Variants in TRIM71 observed in about 807,000 individuals in gnomAD.
The protein encoded by TRIM71 is E3 ubiquitin-protein ligase TRIM71.
TRIM71 carries 9 observed loss-of-function variants against 61.2 expected under a neutral mutation model. That is an observed-to-expected ratio of 0.15 (90% CI 0.09 to 0.26). TRIM71 has a LOEUF of 0.26. TRIM71 is among the 10% of genes least tolerant of loss of function. The pLI is 1.00. For missense variants in TRIM71, 998 were observed against 1,238.7 expected, an observed-to-expected ratio of 0.81 and a Z score of 2.92; for synonymous variants, 645 against 553.2, an observed-to-expected ratio of 1.17 and a Z score of -2.33.
intron 1 of TRIM71, among the ~76,000 whole-genome samples, chr3:32,825,765 C>A (rs1258358032): frequency 1.3e-5 from 2 of 152,160 alleles, no homozygotes; most frequent in African/African-American, 4.8e-5. Context: ...GAAGCCTACT[C>A]CGTTACCGCT....
At chr3:32,855,645 C>G (rs1176757919) in intron 1 of TRIM71, among the ~76,000 whole-genome samples, 1 of 152,092 alleles carries the variant, frequency 6.6e-6, no homozygotes, top group Non-Finnish European at 1.5e-5. Context: ...GGGACATGTC[C>G]CAGAATGAAG....
At chr3:32,870,968 ATTTTTTTT>A in intron 1 of TRIM71, among the ~76,000 whole-genome samples, 2 of 137,890 alleles carry the variant, frequency 1.5e-5, no homozygotes, top group South Asian at 4.7e-4. Flanking sequence ...ACGCCCAGCA[ATTTTTTTT>A]TTTTTTTTTG....
At chr3:32,874,433 G>T (rs1696833448) in intron 2 of TRIM71, among the ~76,000 whole-genome samples, 1 of 151,868 alleles carries the variant, frequency 6.6e-6, no homozygotes, top group African/African-American at 2.4e-5. Context: ...TGTGATCTCG[G>T]CTAACCACAA....
chr3:32,828,502 CTTTTTTTTTTTTT>C (rs67014189), intron 1 of TRIM71, among the ~76,000 whole-genome samples: 1 of 93,264 alleles, frequency 1.1e-5, no homozygotes, highest in African/African-American at 3.9e-5. Context: ...CAATTGTAAA[CTTTTTTTTTTTTT>C]TTTTTTTTTT....
chr3:32,829,922 A>ATTT (rs11327826), intron 1 of TRIM71, among the ~76,000 whole-genome samples: 20 of 109,514 alleles, frequency 1.8e-4, no homozygotes, highest in African/African-American at 3.4e-4. Context: ...TACTGCCTGA[A>ATTT]TTTTTTTTTT....
At chr3:32,859,232 A>G (rs778403408) in intron 1 of TRIM71, among the ~76,000 whole-genome samples, 1 of 152,172 alleles carries the variant, frequency 6.6e-6, no homozygotes, top group African/African-American at 2.4e-5. Context: ...AAAGAGGAAA[A>G]ACATGATGAG....
At chr3:32,829,246 A>G (rs1476371457) in intron 1 of TRIM71, among the ~76,000 whole-genome samples, 1 of 141,356 alleles carries the variant, frequency 7.1e-6, no homozygotes, top group East Asian at 2.1e-4. Flanking sequence ...GTGGAATGGC[A>G]CGATCTTGGC....
Position 32,821,518 on chromosome 3 carries a change from C to T in TRIM71, c.852+2586C>T, listed in dbSNP as rs1427875227. On this transcript the variant is annotated intron_variant, in intron 1 of 3. Coordinates refer to ENST00000383763, the MANE Select transcript of TRIM71 (RefSeq NM_001039111.3). ...TGGCAAGTAAGGTGTCTCGTCTGAG[C>T]AATTGGCTTTAAACCGTAATGATGA... Among the ~76,000 whole-genome samples the T allele has an allele frequency of 3.3e-5, 5 of 152,164 alleles. No individual in the cohort carries two copies. The East Asian group carries it at 9.6e-4, about 29-fold the overall frequency.
In TRIM71 at chr3:32,892,242, CA is replaced by C. The variant is rs201462435; in HGVS notation, c.*440del. Reference sequence around the variant, plus strand: ...TTCTGTAGATTGAGCCAAGGAAACACAAAAAAAAACTACTAAGTAAAAAAAC... The same window carrying C: ...TTCTGTAGATTGAGCCAAGGAAACACAAAAAAAACTACTAAGTAAAAAAAC... On this transcript the variant is annotated 3_prime_UTR_variant, in exon 4 of 4. Coordinates refer to ENST00000383763, the MANE Select transcript of TRIM71 (RefSeq NM_001039111.3). 1.9e-4 allele frequency: 28 copies of C among 150,472 alleles called. No individual in the cohort carries two copies. The highest frequency in any genetic ancestry group is 3.3e-4 in the Non-Finnish European group (23 of 68,676). 9.3% of individuals were successfully genotyped at this position (150,472 alleles called of 1,614,324 possible).
rs1049340400 is a variant in TRIM71, at chr3:32,896,719, T to A, written c.*4908T>A. 6.6e-6 allele frequency: 1 copy of A among 152,218 alleles called. No individual in the cohort carries two copies. Among genetic ancestry groups the A allele is most frequent in the Non-Finnish European group, 1.5e-5 (1 of 68,038 alleles). 9.4% of individuals were successfully genotyped at this position (152,218 alleles called of 1,614,324 possible). On this transcript the variant is annotated 3_prime_UTR_variant, in exon 4 of 4. Coordinates refer to ENST00000383763, the MANE Select transcript of TRIM71 (RefSeq NM_001039111.3). Reference sequence around the variant, plus strand: ...ATTTAACCAATAATGGTTCTAAAAGTTTTGTGTATCCACATGGTCTTAGAC... The same window carrying A: ...ATTTAACCAATAATGGTTCTAAAAGATTTGTGTATCCACATGGTCTTAGAC...
At chr3:32,837,615 C>G (rs1402167028) in intron 1 of TRIM71, among the ~76,000 whole-genome samples, 1 of 152,068 alleles carries the variant, frequency 6.6e-6, no homozygotes, top group East Asian at 1.9e-4. Flanking sequence ...GTCAGGAGAT[C>G]CAGACCATCC....
rs200179522 is a variant in TRIM71, at chr3:32,891,821, C to T, written c.*10C>T. 6.2e-7 allele frequency: 1 copy of T among 1,612,648 alleles called. No individual in the cohort carries two copies. Among genetic ancestry groups the T allele is most frequent in the Non-Finnish European group, 8.5e-7 (1 of 1,179,840 alleles). On this transcript the variant is annotated 3_prime_UTR_variant, in exon 4 of 4. Transcript: ENST00000383763. This position sits in a 1 kb window ranked among gnomAD's most constrained non-coding sequence, Gnocchi z 8.2. ...AATCCTCGTCTTCTAATTGCATTTC[C>T]TAGGTTTCTGTGTTTGGGGTGTGTG... is the stretch of plus-strand genomic sequence containing the variant.
intron 1 of TRIM71, among the ~76,000 whole-genome samples, chr3:32,842,788 CTG>C (rs1157822129): frequency 1.3e-5 from 2 of 152,170 alleles, no homozygotes; most frequent in Non-Finnish European, 2.9e-5. Context: ...CAAGAACCCT[CTG>C]TTCTGCAATT....
Position 32,818,788 on chromosome 3 carries a change from C to G in TRIM71, c.708C>G (p.His236Gln). ...AGCGCGTGCGCCTCACCAAGGACCA[C>G]TACATCGAGCGCGGCCCGCCGGGTC... ...AHQRVRLTKD[H>Q]YIERGPPGPG... Residue 236 changes from histidine to glutamine, a missense_variant, in exon 1 of 4, where the codon CAC (histidine) becomes CAG (glutamine). His to Gln is a conservative substitution (Grantham distance 24). Around this residue, in one of 5 missense-constraint regions of TRIM71, gnomAD observed 527 missense variants for 427.8 expected, o/e 1.23. Coordinates refer to ENST00000383763, the MANE Select transcript of TRIM71 (RefSeq NM_001039111.3). 1 of 1,608,494 alleles carries G rather than the reference C, an allele frequency of 6.2e-7. No homozygotes were observed. The highest frequency in any genetic ancestry group is 8.5e-7 in the Non-Finnish European group (1 of 1,178,250).
chr3:32,885,153 C>T (rs1696946613), intron 2 of TRIM71, among the ~76,000 whole-genome samples: 1 of 152,148 alleles, frequency 6.6e-6, no homozygotes. Context: ...TTCCCTGACA[C>T]CCTCCTGATT....
rs1340274731 is a variant in TRIM71 at position 32,890,831 on chromosome 3, C to A, written c.1627C>A (p.Gln543Lys). The A allele has an allele frequency of 6.2e-7, 1 of 1,614,198 alleles. No homozygotes were observed. The highest frequency in any genetic ancestry group is 2.2e-5 in the East Asian group (1 of 44,874). Residue 543 changes from glutamine (Q) to lysine (K), a missense_variant, in exon 4 of 4, where the codon CAG becomes AAG. Gln to Lys is a moderately conservative substitution (Grantham distance 53). Coordinates refer to ENST00000383763, the MANE Select transcript of TRIM71 (RefSeq NM_001039111.3). The surrounding 1 kb of genome is among the most constrained non-coding windows in gnomAD (Gnocchi z 6.2). ...CCTGTTTGGTGCAGAGGTGAGTGAT[C>A]AGCAGAATGGGACATACGTGGTGAG... ...GNLFGAEVSD[Q>K]QNGTYVVSYR...
chr3:32,818,948 CGT>C lies in TRIM71; in HGVS notation c.852+21_852+22del. On this transcript the variant is annotated intron_variant, in intron 1 of 3. Coordinates refer to ENST00000383763, the MANE Select transcript of TRIM71 (RefSeq NM_001039111.3). ...CGACGACGAGGTGAGTGCGTGGGGG[CGT>C]GTGTTTGTGTCCATCGGATAACTGC... 4 of 1,608,048 alleles carry C rather than the reference CGT, an allele frequency of 2.5e-6. No homozygotes were observed.
chr3:32,890,734 T>C lies in TRIM71; in HGVS notation c.1530T>C (p.Tyr510=). ...TGGCCTCCTTCACAGTCATTGGTTA[T>C]GACCACGATGGTGAGCCCCGCCTCT... ...GKVASFTVIG[Y]DHDGEPRLSG... Residue 510 remains tyrosine, a synonymous_variant, in exon 4 of 4, where the codon TAT becomes TAC. Coordinates refer to ENST00000383763, the MANE Select transcript of TRIM71 (RefSeq NM_001039111.3). The surrounding 1 kb of genome is among the most constrained non-coding windows in gnomAD (Gnocchi z 6.2). 6.2e-7 allele frequency: 1 copy of C among 1,614,152 alleles called. No individual in the cohort carries two copies. Among genetic ancestry groups the C allele is most frequent in the Non-Finnish European group, 8.5e-7 (1 of 1,180,026 alleles).
At chr3:32,869,049 A>AT (rs1420978316) in intron 1 of TRIM71, among the ~76,000 whole-genome samples, 1 of 152,194 alleles carries the variant, frequency 6.6e-6, no homozygotes, top group Non-Finnish European at 1.5e-5. Flanking sequence ...TCATGGCTAG[A>AT]TTTTACCTCC....
Sources: allele counts gnomAD v4.1 joint callset (sites outside exome capture counted in the v4.1 genomes callset), GRCh38; gene constraint gnomAD v4.1.1; regional missense constraint gnomAD v4.1.1; non-coding constraint Gnocchi (gnomAD v3.1); transcripts MANE v1.5; gene names NCBI Gene and HGNC (gene_info 2026-07-23, HGNC 2026-07-21).